ATP7B: variants seen among roughly 807,000 people sequenced by gnomAD.
ATP7B encodes the protein ATPase copper transporting beta, also known as copper-transporting ATPase 2.
A neutral mutation model predicts 118.9 loss-of-function variants in ATP7B; 113 were observed. The ratio of observed to expected loss-of-function variants is 0.95; its 90% confidence interval spans 0.82 to 1.11. The LOEUF is 1.11. Among genes scored for constraint, ATP7B ranks in the 50% most tolerant of loss-of-function variants. The pLI is 0.00. For missense variants in ATP7B, 1,867 were observed against 1,871.4 expected (o/e 1.00, Z 0.04); for synonymous variants, 777 against 727.4 (o/e 1.07, Z -1.10).
At chr13:52,002,822 C>T (rs968434914) in intron 1 of ATP7B, among the ~76,000 whole-genome samples, 17 of 152,116 alleles carry the variant, frequency 1.1e-4, no homozygotes, top group African/African-American at 1.7e-4. Flanking sequence ...ACACTATAGT[C>T]TATCAAGTGT....
chr13:52,007,763 G>A (rs1290147553), intron 1 of ATP7B, among the ~76,000 whole-genome samples: 1 of 152,156 alleles, frequency 6.6e-6, no homozygotes, highest in African/African-American at 2.4e-5. Context: ...AAGTCAGGAG[G>A]TTCCTACAAT....
At chr13:51,963,736 C>CAA (rs933334832) in intron 5 of ATP7B, among the ~76,000 whole-genome samples, 421 of 39,700 alleles carry the variant, frequency 0.011, 3 homozygotes, top group African/African-American at 0.023. Context: ...GACCACGTCT[C>CAA]AAAAAAAAAA....
In ATP7B at chr13:51,968,531, G is replaced by A. The variant is rs145798966; in HGVS notation, c.1620C>T (p.Leu540=). The part of the protein sequence containing the change: ...IKYDPEVIQP[L]EIAQFIQDLG... Reference sequence around the variant, plus strand: ...GGTCCTGGATGAACTGAGCTATCTCGAGGGGCTGGATGACCTCTGGGTCAT... The same window carrying A: ...GGTCCTGGATGAACTGAGCTATCTCAAGGGGCTGGATGACCTCTGGGTCAT... The change falls in exon 4 of 21, where the codon CTC becomes CTT. Residue 540 remains leucine (L), a synonymous_variant. Coordinates refer to ENST00000242839, the MANE Select transcript of ATP7B (RefSeq NM_000053.4). 2.0e-3 allele frequency: 3,164 copies of A among 1,614,152 alleles called. 5 individuals are homozygous for A. Among genetic ancestry groups the A allele is most frequent in the Non-Finnish European group, 2.5e-3 (2,913 of 1,180,022 alleles).
rs116966046 is a variant in ATP7B at position 51,959,678 on chromosome 13, C to T, written c.2121+470G>A. On this transcript the variant is annotated intron_variant, in intron 7 of 20. Coordinates refer to ENST00000242839, the MANE Select transcript of ATP7B (RefSeq NM_000053.4). ...TCCTTAATATCACCACCAAAGCAGA[C>T]GTTTCATGCCTTTCTCTTTTAAATT... The T allele has an allele frequency of 6.7e-4, 130 of 195,384 alleles. 2 individuals carry two copies. In the East Asian group the frequency reaches 0.017, roughly 25 times the overall value. 12.1% of individuals were successfully genotyped at this position (195,384 alleles called of 1,614,324 possible). A position where few individuals can be genotyped will look rare whatever the true frequency, so the allele number is the denominator to read the frequency against.
rs150018860 is a variant in ATP7B, at chr13:51,970,673, T to C, written c.1362A>G (p.Thr454=). Residue 454 remains threonine, a synonymous_variant, in exon 3 of 21, where the codon ACA becomes ACG. Transcript: ENST00000242839. ...TGTGGGGAGCCACTTCCTGCACAGATGTAGGTGTACCATCTGTAGTTTGCA... is the reference window on the plus strand; with the variant it reads ...TGTGGGGAGCCACTTCCTGCACAGACGTAGGTGTACCATCTGTAGTTTGCA... ...SMVQTTDGTP[T]SVQEVAPHTG... 2.2e-5 allele frequency: 36 copies of C among 1,614,192 alleles called. No homozygotes were observed. The African/African-American group carries it at 3.7e-4, about 17-fold the overall frequency.
intron 2 of ATP7B, among the ~76,000 whole-genome samples, chr13:51,971,716 G>A (rs1254755909): frequency 1.3e-5 from 2 of 152,164 alleles, no homozygotes; most frequent in African/African-American, 4.8e-5. Context: ...GCACAAAATG[G>A]GGCCAGGCCA....
chr13:51,974,933 C>T lies in ATP7B; in HGVS notation c.287G>A (p.Gly96Asp), dbSNP rs1429553821. The change falls in exon 2 of 21, where the codon GGC becomes GAC. Residue 96 changes from glycine to aspartate, a missense_variant. Coordinates refer to ENST00000242839, the MANE Select transcript of ATP7B (RefSeq NM_000053.4). ...IISMKVSLEQ[G>D]SATVKYVPSV... ...TGGCACATATTTCACAGTGGCACTGCCTTGTTCCAGGGAAACCTTCATGCT... is the reference window on the plus strand; with the variant it reads ...TGGCACATATTTCACAGTGGCACTGTCTTGTTCCAGGGAAACCTTCATGCT... 1 of 1,614,098 alleles carries T rather than the reference C, an allele frequency of 6.2e-7. No homozygotes were observed. The highest frequency in any genetic ancestry group is 8.5e-7 in the Non-Finnish European group (1 of 1,180,042).
rs1555295017 is a variant in ATP7B, at chr13:51,970,642, T to TC, written c.1392dup (p.Arg465GlufsTer41). ...TCCGGGGCATGGTTTGCAGGGAGCC[T>TC]CCCAGTGTGGGGAGCCACTTCCTGC... On this transcript the variant is annotated frameshift_variant, in exon 3 of 21. Coordinates refer to ENST00000242839, the MANE Select transcript of ATP7B (RefSeq NM_000053.4). LOFTEE classifies it high-confidence loss of function. The TC allele has an allele frequency of 6.2e-7, 1 of 1,614,178 alleles. No individual in the cohort carries two copies. Among genetic ancestry groups the TC allele is most frequent in the Non-Finnish European group, 8.5e-7 (1 of 1,180,018 alleles).
At chr13:51,968,635 ACT>A (rs773507204) in intron 3 of ATP7B, 28 bp from the exon 4 acceptor site, 1 of 1,613,278 alleles carries the variant, frequency 6.2e-7, no homozygotes, top group Non-Finnish European at 8.5e-7. Flanking sequence ...TGGCTGTAAC[ACT>A]CTGGGTGGGC....
intron 1 of ATP7B, among the ~76,000 whole-genome samples, 168 bp downstream of exon 1, chr13:52,011,119 A>C (rs1954010032): frequency 6.6e-6 from 1 of 152,340 alleles, no homozygotes; most frequent in Middle Eastern, 3.4e-3. Flanking sequence ...TTGACGGCAC[A>C]CTTTTTCTAA....
chr13:52,009,074 G>C (rs759313608), intron 1 of ATP7B, among the ~76,000 whole-genome samples: 2 of 151,852 alleles, frequency 1.3e-5, no homozygotes, highest in African/African-American at 4.8e-5. Flanking sequence ...ACGATGTCTT[G>C]ATATGCTGCC....
At chr13:51,982,749 C>G (rs997484698) in intron 1 of ATP7B, among the ~76,000 whole-genome samples, 1 of 152,226 alleles carries the variant, frequency 6.6e-6, no homozygotes, top group Non-Finnish European at 1.5e-5. Context: ...ACAGCGGGTA[C>G]AGCCCATGGA....
chr13:51,940,513 C>T (rs907625566), intron 16 of ATP7B, among the ~76,000 whole-genome samples: 1 of 151,428 alleles, frequency 6.6e-6, no homozygotes, highest in Non-Finnish European at 1.5e-5. Flanking sequence ...GGCGTGGTGG[C>T]GGGGGCCTGT....
At chr13:51,948,299 G>A (rs140612098) in intron 12 of ATP7B, among the ~76,000 whole-genome samples, 100 of 152,148 alleles carry the variant, frequency 6.6e-4, no homozygotes, top group Middle Eastern at 3.4e-3. Context: ...GAGTGCAGTG[G>A]CTATTCACAG....
At chr13:51,958,964 T>C (rs1958545026) in intron 7 of ATP7B, 1 of 241,012 alleles carries the variant, frequency 4.1e-6, no homozygotes, top group East Asian at 1.0e-4. Flanking sequence ...CTATCTTGTA[T>C]GATCCCATTT....
intron 1 of ATP7B, among the ~76,000 whole-genome samples, chr13:51,984,755 C>T (rs1024552177): frequency 6.6e-6 from 1 of 152,156 alleles, no homozygotes; most frequent in Non-Finnish European, 1.5e-5. Flanking sequence ...GAATAGGGGC[C>T]AATATTCGAC....
At position 51,937,509 on chromosome 13, in the gene ATP7B, C is replaced by T; in HGVS notation, c.3870G>A (p.Val1290=). 1 of 1,614,170 alleles carries T rather than the reference C, an allele frequency of 6.2e-7. No homozygotes were observed. Among genetic ancestry groups the T allele is most frequent in the Non-Finnish European group, 8.5e-7 (1 of 1,180,038 alleles). The change falls in exon 18 of 21, where the codon GTG becomes GTA. Residue 1290 remains valine (V), a synonymous_variant. Transcript: ENST00000242839. ...GGACGACGTCGGCTGCCTCGATGGCCACATCCGTGCCGGTGCCAATGGCCA... is the reference window on the plus strand; with the variant it reads ...GGACGACGTCGGCTGCCTCGATGGCTACATCCGTGCCGGTGCCAATGGCCA... ...MGVAIGTGTD[V]AIEAADVVLI... is the part of the protein sequence containing the mutation.
chr13:51,934,603 G>T lies in ATP7B; in HGVS notation c.*153C>A, dbSNP rs563069856. The T allele has an allele frequency of 3.8e-4, 486 of 1,271,164 alleles. 2 individuals are homozygous for T. The African/African-American group carries it at 5.9e-3, about 15-fold the overall frequency. The allele number at this position is 1,271,164 out of a possible 1,614,324, so 78.7% of individuals were successfully genotyped here. On this transcript the variant is annotated 3_prime_UTR_variant, in exon 21 of 21. Transcript: ENST00000242839. ...CCAAGCCCAGCTGCACCCAGACAAG[G>T]CCGCGTGCTGCAGGGCAGGATGACT... is the stretch of plus-strand genomic sequence containing the variant.
At position 51,939,334 on chromosome 13, in the gene ATP7B, G is replaced by A. The variant is rs1957176440; in HGVS notation, c.3557-141C>T. ...TTATATAACACAATGTGGTTTTTTT[G>A]CTTTTTAAAAAGTACATGCATTTAC... On this transcript the variant is annotated intron_variant, in intron 16 of 20. Coordinates refer to ENST00000242839, the MANE Select transcript of ATP7B (RefSeq NM_000053.4). The A allele has an allele frequency of 1.3e-5, 18 of 1,399,194 alleles. No homozygotes were observed. In the South Asian group the frequency reaches 2.1e-4, roughly 16 times the overall value. The allele number at this position is 1,399,194 out of a possible 1,614,324, so 86.7% of individuals were successfully genotyped here. A position where few individuals can be genotyped will look rare whatever the true frequency, so the allele number is the denominator to read the frequency against.
Sources: gnomAD v4.1 joint callset for allele counts (sites outside exome capture counted in the v4.1 genomes callset) on GRCh38, gnomAD v4.1.1 for gene constraint, MANE v1.5 for transcripts, NCBI Gene and HGNC (gene_info 2026-07-23, HGNC 2026-07-21) for gene names.